SGCZ: variants seen among roughly 807,000 people sequenced by gnomAD.
SGCZ encodes sarcoglycan zeta, also known as zeta-sarcoglycan.
Under a neutral mutation model 41.3 loss-of-function variants are expected in SGCZ, and 40 were observed. The observed-to-expected ratio is 0.97, with a 90% CI of 0.75 to 1.26. The LOEUF (loss-of-function observed/expected upper bound fraction) is 1.26. SGCZ is among the 50% of genes most tolerant of loss of function. The probability of loss-of-function intolerance (pLI) is 0.00; values close to 1 mark genes in which losing one functional copy is unlikely to be tolerated. For missense variants in SGCZ, 552 were observed against 369.8 expected, an observed-to-expected ratio of 1.49 and a Z score of -4.04; for synonymous variants, 206 against 137.5, an observed-to-expected ratio of 1.50 and a Z score of -3.49.
intron 2 of SGCZ, among the ~76,000 whole-genome samples, chr8:14,411,908 G>T (rs897270508): frequency 1.3e-5 from 2 of 152,078 alleles, no homozygotes; most frequent in Non-Finnish European, 1.5e-5. Context: ...AATCTTACAT[G>T]ACCTCTGAAG....
At chr8:15,163,145 G>T (rs268412) in intron 1 of SGCZ, among the ~76,000 whole-genome samples, 9,651 of 152,218 alleles carry the variant, frequency 0.063, 781 homozygotes, top group African/African-American at 0.19. Context: ...GTTCTTGCTT[G>T]GGGTCATCTT....
intron 1 of SGCZ, among the ~76,000 whole-genome samples, chr8:14,640,866 A>T (rs1807001671): frequency 6.6e-6 from 1 of 151,646 alleles, no homozygotes; most frequent in Non-Finnish European, 1.5e-5. Context: ...TGAGACACTA[A>T]ACAGCTTCAG....
intron 1 of SGCZ, among the ~76,000 whole-genome samples, chr8:15,063,448 C>G (rs748200301): frequency 6.6e-6 from 1 of 152,028 alleles, no homozygotes; most frequent in Non-Finnish European, 1.5e-5. Flanking sequence ...TAAAGTGAGA[C>G]AAAATAATTC....
At chr8:14,216,400 A>C (rs1805995068) in intron 4 of SGCZ, among the ~76,000 whole-genome samples, 1 of 150,760 alleles carries the variant, frequency 6.6e-6, no homozygotes, top group East Asian at 2.0e-4. Context: ...AATTTGTCTT[A>C]TGAGGCCAGC....
chr8:14,181,165 T>C (rs1159483615), intron 4 of SGCZ, among the ~76,000 whole-genome samples: 1 of 152,102 alleles, frequency 6.6e-6, no homozygotes, highest in Non-Finnish European at 1.5e-5. Flanking sequence ...GTTACAAAAA[T>C]GGATACATTT....
rs150947964 is a variant in SGCZ at position 14,452,638 on chromosome 8, T to C, written c.234+102094A>G. Among the ~76,000 whole-genome samples the C allele has an allele frequency of 3.3e-5, 5 of 152,168 alleles. No individual in the cohort carries two copies. In the East Asian group the frequency reaches 7.7e-4, roughly 23 times the overall value. The stretch of plus-strand genomic sequence containing the variant: ...TTATGATGTTCCATGGCATGTTCAC[T>C]GATTGTAACAAATGTACAACTCTGG... On this transcript the variant is annotated intron_variant, in intron 2 of 7. Transcript: ENST00000382080.
At chr8:15,196,841 C>T (rs757682358) in intron 1 of SGCZ, among the ~76,000 whole-genome samples, 1 of 152,140 alleles carries the variant, frequency 6.6e-6, no homozygotes, top group African/African-American at 2.4e-5. Context: ...CTCATGTAGC[C>T]GCATTCAGCT....
chr8:15,167,086 A>G (rs1563161921), intron 1 of SGCZ, among the ~76,000 whole-genome samples: 1 of 152,050 alleles, frequency 6.6e-6, no homozygotes. Flanking sequence ...AGTAAGGTAT[A>G]CCCCCGTGAT....
chr8:14,352,722 T>C (rs971209333), intron 2 of SGCZ, among the ~76,000 whole-genome samples: 1 of 152,036 alleles, frequency 6.6e-6, no homozygotes, highest in Non-Finnish European at 1.5e-5. Context: ...TTCTGAAAAA[T>C]ATACCTGCCT....
intron 1 of SGCZ, among the ~76,000 whole-genome samples, chr8:14,710,604 A>T (rs1320401184): frequency 6.6e-6 from 1 of 152,042 alleles, no homozygotes; most frequent in Non-Finnish European, 1.5e-5. Context: ...ACTCTGCCTT[A>T]TTTGTGTATT....
At chr8:14,400,609 A>G (rs941251446) in intron 2 of SGCZ, among the ~76,000 whole-genome samples, 5 of 152,154 alleles carry the variant, frequency 3.3e-5, no homozygotes, top group South Asian at 2.1e-4. Context: ...CTTTATAAAA[A>G]TATATTATGT....
At chr8:15,197,500 A>C (rs1294850349) in intron 1 of SGCZ, among the ~76,000 whole-genome samples, 1 of 152,222 alleles carries the variant, frequency 6.6e-6, no homozygotes, top group Non-Finnish European at 1.5e-5. Flanking sequence ...GTATCTTCGC[A>C]GATAGAATTC....
intron 1 of SGCZ, among the ~76,000 whole-genome samples, chr8:14,735,612 G>A (rs73529288): frequency 0.037 from 5,563 of 152,108 alleles, 155 homozygotes; most frequent in African/African-American, 0.079. Context: ...GCCACTAATG[G>A]CCTCCTACCT....
chr8:14,521,675 G>C (rs960251179), intron 2 of SGCZ, among the ~76,000 whole-genome samples: 5 of 152,100 alleles, frequency 3.3e-5, no homozygotes, highest in African/African-American at 9.7e-5. Flanking sequence ...GAATAACTGA[G>C]TCATGTGATA....
chr8:14,707,755 C>T (rs542241211), intron 1 of SGCZ, among the ~76,000 whole-genome samples: 2 of 152,266 alleles, frequency 1.3e-5, no homozygotes, highest in South Asian at 2.1e-4. Flanking sequence ...ACAAGCCCGT[C>T]TGGCTAGCCT....
At chr8:14,379,453 C>T (rs574290407) in intron 2 of SGCZ, among the ~76,000 whole-genome samples, 13 of 152,138 alleles carry the variant, frequency 8.5e-5, no homozygotes, top group African/African-American at 2.2e-4. Context: ...AACTATAAAG[C>T]GCTACTCTAA....
chr8:14,811,722 C>T (rs941922164), intron 1 of SGCZ, among the ~76,000 whole-genome samples: 4 of 151,480 alleles, frequency 2.6e-5, no homozygotes, highest in Non-Finnish European at 1.5e-5. Flanking sequence ...GACGCACTGC[C>T]GTGATCATAC....
At position 14,581,268 on chromosome 8, in the gene SGCZ, T is replaced by C. The variant is rs113747611; in HGVS notation, c.40-26342A>G. On this transcript the variant is annotated intron_variant, in intron 1 of 7. Transcript: ENST00000382080. ...GGATTACAAGCACCACCACAACACC[T>C]GCCTGATTTTTGTATTTTTATAGAT... Among the ~76,000 whole-genome samples, 1,095 of 152,026 alleles carry C rather than the reference T, an allele frequency of 7.2e-3. 12 individuals are homozygous for C. Among genetic ancestry groups the C allele is most frequent in the African/African-American group, 0.025 (1,042 of 41,492 alleles).
At chr8:15,186,441 C>T (rs1457498380) in intron 1 of SGCZ, among the ~76,000 whole-genome samples, 2 of 152,008 alleles carry the variant, frequency 1.3e-5, no homozygotes, top group African/African-American at 4.8e-5. Flanking sequence ...AATGTAAAAA[C>T]TGTAATCAGT....
Sources: gnomAD v4.1 joint callset for allele counts (sites outside exome capture counted in the v4.1 genomes callset) on GRCh38, gnomAD v4.1.1 for gene constraint, MANE v1.5 for transcripts, NCBI Gene and HGNC (gene_info 2026-07-23, HGNC 2026-07-21) for gene names.